Variants in CXADR observed in about 807,000 individuals in gnomAD.
CXADR encodes the protein CXADR cell adhesion molecule.
CXADR carries 20 observed loss-of-function variants against 40.3 expected under a neutral mutation model. The ratio of observed to expected loss-of-function variants is 0.50; its 90% CI spans 0.35 to 0.72. The LOEUF is 0.72. Ranked by LOEUF, CXADR falls within the 30% of genes least tolerant of loss-of-function variation. CXADR has a pLI of 0.01. For synonymous variants in CXADR, 150 were observed against 161.3 expected (o/e 0.93, Z 0.53); for missense variants, 332 against 449.1 (o/e 0.74, Z 2.36).
chr21:17,617,914 C>A, the CXADR span, among the ~76,000 whole-genome samples: 6 of 152,204 alleles, frequency 3.9e-5, no homozygotes, highest in African/African-American at 1.4e-4. Context: ...ATTTTACTCA[C>A]CGTAGAACTT....
the CXADR span, among the ~76,000 whole-genome samples, chr21:17,623,749 T>G: frequency 2.9e-4 from 44 of 152,290 alleles, no homozygotes; most frequent in African/African-American, 1.1e-3. Context: ...ATTATGTCTT[T>G]TTTCTCCATG....
intron 2 of CXADR, among the ~76,000 whole-genome samples, chr21:17,549,469 G>C (rs2060938996): frequency 6.6e-6 from 1 of 152,192 alleles, no homozygotes; most frequent in Non-Finnish European, 1.5e-5. Flanking sequence ...CATGTACTGT[G>C]CCAAGTTAAA....
At chr21:17,553,151 G>C (rs1240447396) in intron 3 of CXADR, among the ~76,000 whole-genome samples, 13 of 152,132 alleles carry the variant, frequency 8.5e-5, no homozygotes, top group African/African-American at 3.1e-4. Flanking sequence ...TCAAACTCCT[G>C]ACCTCAGGTG....
chr21:17,591,604 C>CT (rs72203465), intron 7 of CXADR, among the ~76,000 whole-genome samples: 7 of 151,352 alleles, frequency 4.6e-5, no homozygotes, highest in East Asian at 1.9e-4. Context: ...CTTACTAAAA[C>CT]TTTTTTTTTC....
At position 17,561,436 on chromosome 21, in the gene CXADR, A is replaced by G. The variant is rs143478011; in HGVS notation, c.793A>G (p.Arg265Gly). The G allele has an allele frequency of 1.9e-6, 3 of 1,611,774 alleles. No individual in the cohort carries two copies. The highest frequency in any genetic ancestry group is 2.5e-6 in the Non-Finnish European group (3 of 1,178,828). Residue 265 changes from arginine to glycine, a missense_variant, in exon 6 of 7, where the codon AGA becomes GGA. Arg to Gly is a moderately radical substitution (Grantham distance 125). Around this residue, in one of 3 missense-constraint regions of CXADR, gnomAD observed 150 missense variants for 194.2 expected, o/e 0.77. Coordinates refer to ENST00000284878, the MANE Select transcript of CXADR (RefSeq NM_001338.5). ...LIIFCCRKKR[R>G]EEKYEKEVHH... ...CATCTTTTGCTGTCGTAAAAAGCGC[A>G]GAGAAGAAAAATATGAAAAGGAAGT...
At chr21:17,587,723 A>C (rs1293648648) in intron 7 of CXADR, among the ~76,000 whole-genome samples, 5 of 152,070 alleles carry the variant, frequency 3.3e-5, no homozygotes, top group Non-Finnish European at 5.9e-5. Flanking sequence ...TTTGCTGTGC[A>C]GAAGCTCTTT....
chr21:17,607,924 A>T, the CXADR span, among the ~76,000 whole-genome samples: 2 of 152,186 alleles, frequency 1.3e-5, no homozygotes, highest in African/African-American at 4.8e-5. Flanking sequence ...GCTCTTCTTT[A>T]CTTTAAGCTG....
chr21:17,530,678 G>A (rs371592278), intron 1 of CXADR, among the ~76,000 whole-genome samples: 1 of 152,108 alleles, frequency 6.6e-6, no homozygotes, highest in Admixed American at 6.5e-5. Context: ...GCCGGGCGTG[G>A]TAATGCATGC....
At chr21:17,594,775 A>G (rs1419253520), downstream of CXADR, among the ~76,000 whole-genome samples, 2 of 150,852 alleles carry the variant, frequency 1.3e-5, no homozygotes, top group Non-Finnish European at 3.0e-5. Flanking sequence ...GTTCTCACTT[A>G]TAAGTGGGAG....
intron 1 of CXADR, among the ~76,000 whole-genome samples, chr21:17,532,183 C>G (rs211972): frequency 7.2e-5 from 11 of 151,828 alleles, no homozygotes; most frequent in Non-Finnish European, 1.5e-5. Context: ...TCTTCCTGCC[C>G]CAACCTCCCA....
At position 17,569,483 on chromosome 21, in the gene CXADR, G is replaced by T. The variant is rs538770721; in HGVS notation, c.*3791G>T. ...GATATTCCAGCAATAAAGGCATCAT[G>T]TTCTGCAATAGGATTTCTTACTCAT... On this transcript the variant is annotated 3_prime_UTR_variant, in exon 7 of 7. Coordinates refer to ENST00000284878, the MANE Select transcript of CXADR (RefSeq NM_001338.5). 1.4e-3 allele frequency: 1,347 copies of T among 985,192 alleles called. No individual in the cohort carries two copies. Among genetic ancestry groups the T allele is most frequent in the Non-Finnish European group, 1.5e-3 (1,263 of 829,892 alleles). 61.0% of individuals were successfully genotyped at this position (985,192 alleles called of 1,614,324 possible). A position where few individuals can be genotyped will look rare whatever the true frequency, so the allele number is the denominator to read the frequency against.
chr21:17,613,972 AG>A, the CXADR span: 1 of 152,198 alleles, frequency 6.6e-6, no homozygotes, highest in Non-Finnish European at 1.5e-5. Context: ...GCATGTTTTC[AG>A]CTCAGTTTTA....
intron 1 of CXADR, among the ~76,000 whole-genome samples, chr21:17,543,632 T>C (rs994765975): frequency 1.3e-5 from 2 of 152,218 alleles, no homozygotes; most frequent in Non-Finnish European, 2.9e-5. Context: ...TATTATTTGA[T>C]GCATGATGTG....
chr21:17,559,208 A>AG, intron 4 of CXADR, 77 bp downstream of exon 4: 1 of 1,473,352 alleles, frequency 6.8e-7, no homozygotes, highest in Non-Finnish European at 9.4e-7. Context: ...GTGTGATTTG[A>AG]GATAGGGCCT....
chr21:17,611,176 G>C, the CXADR span, among the ~76,000 whole-genome samples: 32 of 152,098 alleles, frequency 2.1e-4, no homozygotes, highest in African/African-American at 7.7e-4. Context: ...ATTCCACCAC[G>C]ATACGATGGA....
intron 7 of CXADR, among the ~76,000 whole-genome samples, chr21:17,577,611 G>C (rs201406530): frequency 6.4e-5 from 3 of 46,614 alleles, no homozygotes; most frequent in African/African-American, 2.9e-4. Context: ...CATTCTGCAA[G>C]CTTTTTTTTT....
At chr21:17,514,927 A>G (rs1025877844) in intron 1 of CXADR, among the ~76,000 whole-genome samples, 1 of 152,038 alleles carries the variant, frequency 6.6e-6, no homozygotes, top group African/African-American at 2.4e-5. Flanking sequence ...CCTGGCAGGA[A>G]CTAGTTGTTG....
In CXADR at chr21:17,551,879, A is replaced by T; in HGVS notation, c.341A>T (p.Asp114Val). The change falls in exon 3 of 7, where the codon GAT (aspartate) becomes GTT (valine). Residue 114 changes from aspartate (D) to valine (V), a missense_variant. Transcript: ENST00000284878. ...AATGTAACGAATTTACAACTGTCAG[A>T]TATTGGCACATATCAGTGCAAAGTG... ...SINVTNLQLS[D>V]IGTYQCKVKK... is the part of the protein sequence containing the mutation. 2 of 1,613,984 alleles carry T rather than the reference A, an allele frequency of 1.2e-6. No individual in the cohort carries two copies. The highest frequency in any genetic ancestry group is 1.7e-6 in the Non-Finnish European group (2 of 1,179,886).
At chr21:17,589,072 C>A (rs532306270) in intron 7 of CXADR, among the ~76,000 whole-genome samples, 1 of 152,012 alleles carries the variant, frequency 6.6e-6, no homozygotes, top group East Asian at 1.9e-4. Flanking sequence ...CATCCCTCTA[C>A]TCCCTAATAC....
Sources: gnomAD v4.1 joint callset for allele counts (sites outside exome capture counted in the v4.1 genomes callset) on GRCh38, gnomAD v4.1.1 for gene constraint, gnomAD v4.1.1 regional missense constraint, MANE v1.5 for transcripts, NCBI Gene and HGNC (gene_info 2026-07-23, HGNC 2026-07-21) for gene names.